TRIO: variants seen among roughly 807,000 people sequenced by gnomAD.
The protein encoded by TRIO is trio Rho guanine nucleotide exchange factor, also known as triple functional domain protein.
A neutral mutation model predicts 351.9 loss-of-function variants in TRIO; 58 were observed. That is an observed-to-expected ratio of 0.16 (90% CI 0.13 to 0.21). TRIO has a LOEUF of 0.21. TRIO is among the 10% of genes least tolerant of loss of function. The probability of loss-of-function intolerance (pLI) is 1.00; values close to 1 mark genes in which losing one functional copy is unlikely to be tolerated. For synonymous variants in TRIO, 1,758 were observed against 1,595.7 expected (o/e 1.10, Z -2.42); for missense variants, 3,201 against 4,027.8 (o/e 0.79, Z 5.56).
At chr5:14,441,448 GCTTTAAAAC>G (rs1375328327) in intron 34 of TRIO, 1 of 154,218 alleles carries the variant, frequency 6.5e-6, no homozygotes, top group Non-Finnish European at 1.5e-5. Flanking sequence ...ATTGACATGT[GCTTTAAAAC>G]AGAAATGTTT....
intron 34 of TRIO, among the ~76,000 whole-genome samples, chr5:14,424,455 A>C (rs1750470904): frequency 6.6e-6 from 1 of 152,230 alleles, no homozygotes; most frequent in Non-Finnish European, 1.5e-5. Context: ...GAAGAAGTTC[A>C]GAGTATGAGT....
intron 34 of TRIO, among the ~76,000 whole-genome samples, chr5:14,436,155 ATTGGACT>A (rs1488731969): frequency 1.3e-5 from 2 of 152,198 alleles, no homozygotes; most frequent in African/African-American, 2.4e-5. Flanking sequence ...AAAGAGGTTT[ATTGGACT>A]TACAGTTCCA....
chr5:14,419,646 A>AG, intron 33 of TRIO, 132 bp from the exon 34 acceptor site: 2 of 1,257,910 alleles, frequency 1.6e-6, no homozygotes, highest in Non-Finnish European at 2.2e-6. Context: ...TGCAGTGATC[A>AG]CACAACCTCG....
intron 40 of TRIO, 121 bp downstream of exon 40, chr5:14,474,218 G>T: frequency 1.1e-6 from 1 of 892,430 alleles, no homozygotes; most frequent in Non-Finnish European, 1.7e-6. Flanking sequence ...CTCCTGGAGG[G>T]AGCTGGTGCA....
chr5:14,346,809 A>C (rs560749013), intron 11 of TRIO, among the ~76,000 whole-genome samples: 1 of 152,246 alleles, frequency 6.6e-6, no homozygotes, highest in Non-Finnish European at 1.5e-5. Flanking sequence ...TTGAATGGCT[A>C]TAATAAAAGA....
intron 13 of TRIO, among the ~76,000 whole-genome samples, chr5:14,360,513 C>T (rs1158388495): frequency 6.6e-6 from 1 of 152,208 alleles, no homozygotes; most frequent in Non-Finnish European, 1.5e-5. Context: ...CTGTGATGGA[C>T]ACCTGTAGAG....
chr5:14,150,312 G>T (rs550641450), intron 1 of TRIO, among the ~76,000 whole-genome samples: 6 of 152,064 alleles, frequency 3.9e-5, no homozygotes, highest in Non-Finnish European at 8.8e-5. Context: ...GTTAGGGGGT[G>T]GGGGAGTATG....
chr5:14,411,043 T>G (rs899108553), intron 33 of TRIO, among the ~76,000 whole-genome samples: 2 of 152,146 alleles, frequency 1.3e-5, no homozygotes, highest in African/African-American at 4.8e-5. Flanking sequence ...ATCTCATCTG[T>G]CCTGAGTGCA....
chr5:14,393,046 CAAAA>C (rs1747240491), intron 27 of TRIO, among the ~76,000 whole-genome samples: 1 of 122,740 alleles, frequency 8.1e-6, no homozygotes, highest in African/African-American at 3.6e-5. Context: ...GACTCCATCT[CAAAA>C]AGAAAGAAAA....
intron 7 of TRIO, among the ~76,000 whole-genome samples, chr5:14,302,498 T>C (rs1411548212): frequency 6.6e-6 from 1 of 152,194 alleles, no homozygotes; most frequent in Non-Finnish European, 1.5e-5. Flanking sequence ...ATACTGACAA[T>C]CATCTGACCT....
chr5:14,293,563 T>G (rs1737090123), intron 6 of TRIO, among the ~76,000 whole-genome samples: 1 of 152,200 alleles, frequency 6.6e-6, no homozygotes, highest in Non-Finnish European at 1.5e-5. Flanking sequence ...CACTAGCTAG[T>G]TCTCCTGAGG....
chr5:14,455,159 G>A (rs1057325758), intron 34 of TRIO, among the ~76,000 whole-genome samples: 5 of 152,166 alleles, frequency 3.3e-5, no homozygotes, highest in Non-Finnish European at 5.9e-5. Context: ...TCCACAGTGT[G>A]GAAGGGGACC....
intron 1 of TRIO, among the ~76,000 whole-genome samples, chr5:14,205,365 A>G (rs1581347040): frequency 1.3e-5 from 2 of 152,362 alleles, no homozygotes; most frequent in Admixed American, 6.5e-5. Context: ...TGTAGCAGCT[A>G]ACAGTTTCAT....
chr5:14,481,038 A>G (rs1430036190), intron 43 of TRIO, among the ~76,000 whole-genome samples, 196 bp from the exon 44 acceptor site: 5 of 151,930 alleles, frequency 3.3e-5, no homozygotes, highest in African/African-American at 1.2e-4. Context: ...GTGGCCAAAA[A>G]GGTTAGCTTG....
intron 10 of TRIO, 26 bp downstream of exon 10, chr5:14,330,926 A>G: frequency 1.2e-6 from 2 of 1,612,992 alleles, no homozygotes; most frequent in Non-Finnish European, 1.7e-6. Flanking sequence ...CTATTATTTT[A>G]TCCCATAAAT....
intron 1 of TRIO, among the ~76,000 whole-genome samples, chr5:14,256,337 G>A (rs1232991435): frequency 6.6e-6 from 1 of 152,064 alleles, no homozygotes; most frequent in Non-Finnish European, 1.5e-5. Context: ...CTCCCACCAC[G>A]CCCCACCTCC....
At chr5:14,254,346 A>G (rs1423503890) in intron 1 of TRIO, among the ~76,000 whole-genome samples, 1 of 152,046 alleles carries the variant, frequency 6.6e-6, no homozygotes, top group African/African-American at 2.4e-5. Context: ...TAATTTTTGT[A>G]TTTTTAGTAG....
intron 9 of TRIO, among the ~76,000 whole-genome samples, chr5:14,328,965 C>T (rs2152314351): frequency 6.6e-6 from 1 of 152,248 alleles, no homozygotes; most frequent in East Asian, 1.9e-4. Flanking sequence ...TGCAATTTAC[C>T]TGTAATACTA....
intron 34 of TRIO, among the ~76,000 whole-genome samples, chr5:14,458,024 AATAAG>A (rs1753493832): frequency 6.6e-6 from 1 of 151,516 alleles, no homozygotes; most frequent in South Asian, 2.1e-4. Flanking sequence ...ATTTTACTAA[AATAAG>A]TGGGCCTGGG....
Sources: gnomAD v4.1 joint callset for allele counts (sites outside exome capture counted in the v4.1 genomes callset) on GRCh38, gnomAD v4.1.1 for gene constraint, MANE v1.5 for transcripts, NCBI Gene and HGNC (gene_info 2026-07-23, HGNC 2026-07-21) for gene names.